Variants in TRPM1 observed in about 807,000 individuals in gnomAD.
The protein encoded by TRPM1 is TRPM1-203 APA Isoform, Intron 10.
A neutral mutation model predicts 149.4 loss-of-function variants in TRPM1; 113 were observed. The observed-to-expected ratio is 0.76, with a 90% CI of 0.65 to 0.88. TRPM1 has a LOEUF of 0.88. TRPM1 is among the 40% of genes least tolerant of loss of function. TRPM1 has a pLI of 0.00. For missense variants in TRPM1, 1,976 were observed against 2,038.7 expected (o/e 0.97, Z 0.59); for synonymous variants, 741 against 759.5 (o/e 0.98, Z 0.40).
In TRPM1 at chr15:31,022,043, G is replaced by A. The variant is rs528398534; in HGVS notation, c.3629+4096C>T. 4.2e-4 allele frequency among the ~76,000 whole-genome samples: 64 copies of A among 152,258 alleles called. No individual in the cohort carries two copies. The South Asian group carries it at 0.013, about 31-fold the overall frequency. ...ATTAAGTTTGGTGTTAAGCTTCCTT[G>A]AAGCCATGGAAAAAAGGAAAACACA... On this transcript the variant is annotated intron_variant, in intron 27 of 27. Transcript: ENST00000256552.
intron 2 of TRPM1, among the ~76,000 whole-genome samples, chr15:31,080,627 CAA>C (rs2034830612): frequency 1.4e-5 from 2 of 141,030 alleles, no homozygotes; most frequent in African/African-American, 2.7e-5. Flanking sequence ...GCCCCGCCCC[CAA>C]GTCCGCCCCC....
At chr15:31,146,182 C>T (rs1326847381) in intron 1 of TRPM1, among the ~76,000 whole-genome samples, 5 of 152,138 alleles carry the variant, frequency 3.3e-5, no homozygotes, top group African/African-American at 4.8e-5. Flanking sequence ...CAGCCATCCA[C>T]CAAATGTCAA....
At position 31,040,245 on chromosome 15, in the gene TRPM1, T is replaced by C. The variant is rs1169691733; in HGVS notation, c.2189A>G (p.Asn730Ser). Residue 730 changes from asparagine (N) to serine (S), a missense_variant, in exon 18 of 28, where the codon AAC (asparagine) becomes AGC (serine). Physicochemically the swap from Asn to Ser is conservative, Grantham distance 46 (BLOSUM62 1). Transcript: ENST00000256552. The surrounding 1 kb of genome is among the most constrained non-coding windows in gnomAD (Gnocchi z 4.2). ...LLTYELKNWS[N>S]STCLKLAVAA... ...CACGGCCAGTTTGAGGCAGGTCGAGTTGCTCCAGTTTTTCAGCTCGTAGGT... is the reference window on the plus strand; with the variant it reads ...CACGGCCAGTTTGAGGCAGGTCGAGCTGCTCCAGTTTTTCAGCTCGTAGGT... The C allele has an allele frequency of 6.2e-7, 1 of 1,614,118 alleles. No individual in the cohort carries two copies. The highest frequency in any genetic ancestry group is 1.1e-5 in the South Asian group (1 of 91,076).
chr15:31,088,048 G>C (rs953943021), intron 1 of TRPM1, among the ~76,000 whole-genome samples: 4 of 152,202 alleles, frequency 2.6e-5, no homozygotes, highest in South Asian at 2.1e-4. Flanking sequence ...CTTCACTCTA[G>C]TCCTTGTGAG....
chr15:31,126,997 G>C (rs946476427), intron 1 of TRPM1, among the ~76,000 whole-genome samples: 2 of 82,310 alleles, frequency 2.4e-5, no homozygotes, highest in Admixed American at 1.1e-4. Flanking sequence ...CAAACAAACA[G>C]AAATGCATTT....
At chr15:31,068,114 T>G (rs754345902) in intron 4 of TRPM1, 22 bp from the exon 5 acceptor site, 3 of 1,604,572 alleles carry the variant, frequency 1.9e-6, no homozygotes, top group African/African-American at 2.7e-5. Context: ...TGTGTGGCAC[T>G]CAGCCTCTGT....
intron 1 of TRPM1, among the ~76,000 whole-genome samples, chr15:31,111,902 C>CA (rs368217942): frequency 4.2e-4 from 64 of 152,080 alleles, no homozygotes; most frequent in Admixed American, 3.4e-3. Flanking sequence ...CCCACCCCCC[C>CA]AAAAAAATTT....
At chr15:31,011,264 C>T (rs950873763) in intron 27 of TRPM1, among the ~76,000 whole-genome samples, 1 of 152,160 alleles carries the variant, frequency 6.6e-6, no homozygotes, top group Non-Finnish European at 1.5e-5. Flanking sequence ...TATCTATTTA[C>T]ATTTAATATA....
At chr15:31,045,611 A>C (rs1375558296) in intron 16 of TRPM1, among the ~76,000 whole-genome samples, 1 of 152,202 alleles carries the variant, frequency 6.6e-6, no homozygotes, top group African/African-American at 2.4e-5. Context: ...CTTGATTCTC[A>C]TGGACATGAC....
At position 31,156,056 on chromosome 15, in the gene TRPM1, G is replaced by T. The variant is rs148274894; in HGVS notation, c.54+4850C>A. 5.8e-3 allele frequency among the ~76,000 whole-genome samples: 874 copies of T among 151,944 alleles called. 5 individuals are homozygous for T. The highest frequency in any genetic ancestry group is 0.02 in the African/African-American group (841 of 41,436). On this transcript the variant is annotated intron_variant, in intron 1 of 26. Coordinates refer to the TRPM1 transcript ENST00000542188. ...TACTAAAAATACAAAAATTAGCCAG[G>T]CATGGTGGTGGGCACCTGTAATCCC...
intron 1 of TRPM1, among the ~76,000 whole-genome samples, chr15:31,112,606 T>C (rs2035705559): frequency 6.6e-6 from 1 of 152,126 alleles, no homozygotes; most frequent in Admixed American, 6.5e-5. Flanking sequence ...TTTTTTTAAT[T>C]GGCTGAGATG....
At chr15:31,134,041 A>G (rs1242580730) in intron 1 of TRPM1, among the ~76,000 whole-genome samples, 3 of 152,198 alleles carry the variant, frequency 2.0e-5, no homozygotes, top group Admixed American at 1.3e-4. Context: ...CTGGCAGTCC[A>G]TGCAAAGGCC....
upstream of TRPM1, among the ~76,000 whole-genome samples, chr15:31,104,871 G>T (rs2035581197): frequency 6.6e-6 from 1 of 152,136 alleles, no homozygotes. Flanking sequence ...TGGGATTACA[G>T]GTGTGAGCCA....
At chr15:31,146,089 C>T (rs1467902697) in intron 1 of TRPM1, among the ~76,000 whole-genome samples, 1 of 152,194 alleles carries the variant, frequency 6.6e-6, no homozygotes, top group Admixed American at 6.5e-5. Context: ...ATACTCCATA[C>T]TCAGTATTAA....
At chr15:31,100,676 G>T (rs1303018977) in intron 1 of TRPM1, among the ~76,000 whole-genome samples, 1 of 152,138 alleles carries the variant, frequency 6.6e-6, no homozygotes, top group Non-Finnish European at 1.5e-5. Context: ...GTATTTCTAG[G>T]CTTTTTCCGT....
At chr15:31,005,444 C>T (rs2031954035) in intron 27 of TRPM1, among the ~76,000 whole-genome samples, 1 of 151,940 alleles carries the variant, frequency 6.6e-6, no homozygotes. Flanking sequence ...ATACTAACTC[C>T]CTCCCCTCAC....
At position 31,002,104 on chromosome 15, in the gene TRPM1, A is replaced by G; in HGVS notation, c.4596T>C (p.His1532=). 1 of 1,614,248 alleles carries G rather than the reference A, an allele frequency of 6.2e-7. No individual in the cohort carries two copies. The highest frequency in any genetic ancestry group is 8.5e-7 in the Non-Finnish European group (1 of 1,180,044). The change falls in exon 28 of 28, where the codon CAT becomes CAC. Residue 1532 remains histidine, a synonymous_variant. Transcript: ENST00000256552. ...GGATTCGAGGAATTGCTTCAGCGAC[A>G]TGGTGTTCATCTTGCATATCTGCAA... The part of the protein sequence containing the change: ...EQFADMQDEH[H]VAEAIPRIPR...
Position 31,066,134 on chromosome 15 carries a change from G to T in TRPM1, c.732C>A (p.Ala244=). 6.2e-7 allele frequency: 1 copy of T among 1,614,136 alleles called. No homozygotes were observed. Among genetic ancestry groups the T allele is most frequent in the South Asian group, 1.1e-5 (1 of 91,070 alleles). ...ADNGTLGKYG[A]EVKLRRLLEK... ...CCAGCAGCCTTCGCAGCTTCACCTC[G>T]GCGCCATACTTGCCCAGGGTGCCAT... Residue 244 remains alanine (A), a synonymous_variant, in exon 7 of 28, where the codon GCC becomes GCA. Coordinates refer to ENST00000256552, the MANE Select transcript of TRPM1 (RefSeq NM_001252024.2).
At chr15:31,156,557 T>C (rs774694657) in intron 1 of TRPM1, among the ~76,000 whole-genome samples, 21 of 152,294 alleles carry the variant, frequency 1.4e-4, no homozygotes, top group Middle Eastern at 6.8e-3. Context: ...TTTCAACCAA[T>C]TGCCAACCAG....
Sources: allele counts gnomAD v4.1 joint callset (sites outside exome capture counted in the v4.1 genomes callset), GRCh38; gene constraint gnomAD v4.1.1; non-coding constraint Gnocchi (gnomAD v3.1); transcripts MANE v1.5; gene names NCBI Gene and HGNC (gene_info 2026-07-23, HGNC 2026-07-21).